GRIA3: variants seen among roughly 807,000 people sequenced by gnomAD.
The protein encoded by GRIA3 is glutamate ionotropic receptor AMPA type subunit 3, also known as glutamate receptor 3.
A neutral mutation model predicts 63.0 loss-of-function variants in GRIA3; 3 were observed. The ratio of observed to expected loss-of-function variants is 0.05; its 90% CI spans 0.02 to 0.12. The LOEUF (loss-of-function observed/expected upper bound fraction) is 0.12, where lower values mean the gene tolerates loss of function less well. Among genes scored for constraint, GRIA3 ranks in the 10% least tolerant of loss-of-function variants. GRIA3 has a pLI of 1.00. For synonymous variants in GRIA3, 274 were observed against 257.9 expected (o/e 1.06, Z -0.60); for missense variants, 347 against 700.9 (o/e 0.50, Z 5.70).
At chrX:123,411,292 A>G in intron 10 of GRIA3, among the ~76,000 whole-genome samples, 1 of 112,027 alleles carries the variant, frequency 8.9e-6, no homozygotes, top group East Asian at 2.8e-4. Context: ...ACACATCAAT[A>G]CATTGTCTAC....
At chrX:123,214,017 T>C (rs1928101052) in intron 2 of GRIA3, among the ~76,000 whole-genome samples, 1 of 111,709 alleles carries the variant, frequency 9.0e-6, no homozygotes, top group Non-Finnish European at 1.9e-5. Flanking sequence ...CTTGGAATCA[T>C]TGTTAAAAAT....
chrX:123,328,627 A>C (rs182791979), intron 4 of GRIA3, among the ~76,000 whole-genome samples: 5 of 112,138 alleles, frequency 4.5e-5, no homozygotes, highest in African/African-American at 1.6e-4. Context: ...CTTGTTCACT[A>C]TTATATCTCC....
rs754461705 is a variant in GRIA3 at position 123,393,388 on chromosome X, A to G, written c.751-1580A>G. 6.2e-5 allele frequency among the ~76,000 whole-genome samples: 7 copies of G among 112,611 alleles called. No homozygotes were observed. The South Asian group carries it at 2.6e-3, about 42-fold the overall frequency. ...TAAAGATATGTGCACTTCTCTATAC[A>G]ATTATTACACTTCAATAAAACCTTT... On this transcript the variant is annotated intron_variant, in intron 5 of 15. Transcript: ENST00000620443.
chrX:123,188,332 G>A (rs757663046), intron 2 of GRIA3, among the ~76,000 whole-genome samples: 93 of 111,216 alleles, frequency 8.4e-4, no homozygotes, highest in African/African-American at 2.7e-3. Context: ...AAGATGACTC[G>A]TCTAACCATA....
intron 3 of GRIA3, among the ~76,000 whole-genome samples, chrX:123,268,477 A>T (rs1001663475): frequency 1.8e-5 from 2 of 108,805 alleles, no homozygotes; most frequent in Non-Finnish European, 3.8e-5. Flanking sequence ...AAATAATAAT[A>T]TAAATATAAA....
intron 4 of GRIA3, among the ~76,000 whole-genome samples, chrX:123,329,966 C>T (rs1360027182): frequency 8.9e-6 from 1 of 111,755 alleles, no homozygotes; most frequent in East Asian, 2.8e-4. Flanking sequence ...TATTCAGAGA[C>T]GCAGCATAAC....
intron 2 of GRIA3, among the ~76,000 whole-genome samples, chrX:123,213,472 G>A (rs1032312015): frequency 8.9e-6 from 1 of 112,329 alleles, no homozygotes; most frequent in African/African-American, 3.2e-5. Context: ...TTTTCCCAAG[G>A]TCATGCTACT....
intron 2 of GRIA3, among the ~76,000 whole-genome samples, chrX:123,213,660 G>GA (rs1192250339): frequency 8.9e-6 from 1 of 111,739 alleles, no homozygotes; most frequent in East Asian, 2.8e-4. Context: ...TCCCAGTGTC[G>GA]GTGCCAAGAG....
At chrX:123,259,357 A>G (rs1037765839) in intron 3 of GRIA3, among the ~76,000 whole-genome samples, 9 of 110,839 alleles carry the variant, frequency 8.1e-5, no homozygotes, top group Admixed American at 6.7e-4. Flanking sequence ...GCCTCATCCC[A>G]TTCACCCAGT....
rs1332595145 is a variant in GRIA3, at chrX:123,464,965, G to A, written c.2177G>A (p.Arg726Gln). The change falls in exon 13 of 16, where the codon CGA becomes CAA. Residue 726 changes from arginine to glutamine, a missense_variant. This residue lies in a region of GRIA3 where 49 missense variants were observed against 176.6 expected (regional missense o/e 0.28). Coordinates refer to ENST00000620443, the MANE Select transcript of GRIA3 (RefSeq NM_007325.5). ...KTTADGVARV[R>Q]KSKGKFAFLL... The stretch of plus-strand genomic sequence containing the variant: ...ACAGCAGACGGAGTGGCCCGAGTGC[G>A]AAAGTCCAAGGGAAAGTTCGCCTTC... 4 of 1,208,494 alleles carry A rather than the reference G, an allele frequency of 3.3e-6. No individual in the cohort carries two copies. The highest frequency in any genetic ancestry group is 1.8e-5 in the African/African-American group (1 of 56,920).
chrX:123,330,740 A>T (rs974449252), intron 4 of GRIA3, among the ~76,000 whole-genome samples: 1 of 111,589 alleles, frequency 9.0e-6, no homozygotes, highest in Admixed American at 9.6e-5. Flanking sequence ...TAGACTAGAG[A>T]GAGAGTCAGT....
At chrX:123,396,233 A>G (rs193083666) in intron 6 of GRIA3, among the ~76,000 whole-genome samples, 28 of 105,599 alleles carry the variant, frequency 2.7e-4, no homozygotes, top group African/African-American at 7.6e-4. Flanking sequence ...TAATAATAAT[A>G]ATGATGATAA....
At chrX:123,414,470 C>T (rs1190148478) in intron 10 of GRIA3, among the ~76,000 whole-genome samples, 2 of 111,030 alleles carry the variant, frequency 1.8e-5, no homozygotes, top group Admixed American at 9.5e-5. Context: ...ACGTGCACAA[C>T]GTGCAGGTTT....
chrX:123,422,974 A>C lies in GRIA3; in HGVS notation c.1878-4967A>C, dbSNP rs2045570806. 4.5e-5 allele frequency among the ~76,000 whole-genome samples: 5 copies of C among 112,184 alleles called. 1 individual carries two copies. In the Admixed American group the frequency reaches 4.8e-4, roughly 11 times the overall value. ...CTATGTCTTACTGATATTGGCTGGAAGTTGTAACTTTATTTTTAATACGAA... is the reference window on the plus strand; with the variant it reads ...CTATGTCTTACTGATATTGGCTGGACGTTGTAACTTTATTTTTAATACGAA... On this transcript the variant is annotated intron_variant, in intron 11 of 15. Transcript: ENST00000620443.
At chrX:123,185,508 A>AGGGGGGGGGGGGGGGGGGGG (rs3216834) in intron 1 of GRIA3, among the ~76,000 whole-genome samples, 1 of 40,964 alleles carries the variant, frequency 2.4e-5, no homozygotes, top group East Asian at 1.2e-3. Context: ...CGGGGGGCGG[A>AGGGGGGGGGGGGGGGGGGGG]GGGGGGGGGC....
chrX:123,388,425 C>A (rs2147374357), intron 5 of GRIA3, among the ~76,000 whole-genome samples: 1 of 110,604 alleles, frequency 9.0e-6, no homozygotes, highest in South Asian at 3.9e-4. Context: ...TTTGTATTTT[C>A]AATAGAGACA....
chrX:123,226,709 T>C (rs182846160), intron 2 of GRIA3, among the ~76,000 whole-genome samples: 2 of 111,555 alleles, frequency 1.8e-5, no homozygotes, highest in African/African-American at 6.5e-5. Context: ...ATAACCTCAA[T>C]CTTCATGATA....
At chrX:123,473,273 T>C (rs1214132074) in intron 13 of GRIA3, among the ~76,000 whole-genome samples, 1 of 112,673 alleles carries the variant, frequency 8.9e-6, no homozygotes, top group Non-Finnish European at 1.9e-5. Flanking sequence ...GGGCATATTC[T>C]GAACTGCCAT....
intron 7 of GRIA3, 86 bp downstream of exon 7, chrX:123,398,889 T>C (rs970811425): frequency 4.1e-6 from 3 of 732,717 alleles, no homozygotes; most frequent in Non-Finnish European, 6.4e-6. Context: ...GAAGACATAC[T>C]AAAAGGAATA....
Sources: allele counts gnomAD v4.1 joint callset (sites outside exome capture counted in the v4.1 genomes callset), GRCh38; gene constraint gnomAD v4.1.1; regional missense constraint gnomAD v4.1.1; transcripts MANE v1.5; gene names NCBI Gene and HGNC (gene_info 2026-07-23, HGNC 2026-07-21).